DIP2C: variants seen among roughly 807,000 people sequenced by gnomAD.
DIP2C encodes the protein DIP2 acetate--CoA ligase C (putative), also known as disco-interacting protein 2 homolog C.
Under a neutral mutation model 192.4 loss-of-function variants are expected in DIP2C, and 33 were observed. The observed-to-expected ratio is 0.17, with a 90% confidence interval of 0.13 to 0.23. DIP2C has a LOEUF of 0.23. Among genes scored for constraint, DIP2C ranks in the 10% least tolerant of loss-of-function variants. DIP2C has a pLI of 1.00. For synonymous variants in DIP2C, 979 were observed against 864.1 expected (o/e 1.13, Z -2.33); for missense variants, 1,537 against 2,110.1 (o/e 0.73, Z 5.32).
intron 29 of DIP2C, among the ~76,000 whole-genome samples, chr10:331,330 T>C (rs1957500328): frequency 6.6e-6 from 1 of 152,242 alleles, no homozygotes; most frequent in South Asian, 2.1e-4. Flanking sequence ...GAAAAACTAC[T>C]CTTCGGCAAA....
At chr10:383,940 A>T (rs1486391703) in intron 16 of DIP2C, 87 bp downstream of exon 16, 29 of 1,397,266 alleles carry the variant, frequency 2.1e-5, no homozygotes, top group Non-Finnish European at 2.4e-5. Flanking sequence ...AATAAAAAAG[A>T]CTTCACAGCC....
intron 1 of DIP2C, among the ~76,000 whole-genome samples, chr10:549,496 A>G (rs1848479048): frequency 6.6e-6 from 1 of 152,126 alleles, no homozygotes; most frequent in African/African-American, 2.4e-5. Flanking sequence ...CCAACACCCC[A>G]AAACCACGCA....
chr10:360,198 T>C (rs544044922), intron 22 of DIP2C, among the ~76,000 whole-genome samples: 1 of 152,262 alleles, frequency 6.6e-6, no homozygotes, highest in Middle Eastern at 3.4e-3. Context: ...TGCCTCCCCA[T>C]GCAGACTAGG....
intron 1 of DIP2C, among the ~76,000 whole-genome samples, chr10:510,486 G>A (rs1396358096): frequency 6.6e-6 from 1 of 152,224 alleles, no homozygotes; most frequent in Non-Finnish European, 1.5e-5. Context: ...CCCGCCTGGG[G>A]TTCTCGTGAC....
chr10:565,095 C>G (rs1849390712), intron 1 of DIP2C, among the ~76,000 whole-genome samples: 1 of 152,138 alleles, frequency 6.6e-6, no homozygotes, highest in Admixed American at 6.5e-5. Context: ...GGTTCCATCA[C>G]TCCCCTAATT....
intron 22 of DIP2C, 64 bp from the exon 23 acceptor site, chr10:358,001 C>T: frequency 1.6e-6 from 2 of 1,280,802 alleles, no homozygotes; most frequent in East Asian, 2.4e-5. Flanking sequence ...ACTAGACCTC[C>T]CACTTTGGTA....
chr10:321,314 C>G (rs1172093706), intron 31 of DIP2C, among the ~76,000 whole-genome samples: 3 of 152,252 alleles, frequency 2.0e-5, no homozygotes, highest in Admixed American at 2.0e-4. Flanking sequence ...AGTCATAACA[C>G]TCATGAACTG....
At chr10:291,129 G>T (rs574440671) in intron 32 of DIP2C, among the ~76,000 whole-genome samples, 72 of 152,344 alleles carry the variant, frequency 4.7e-4, no homozygotes, top group African/African-American at 1.3e-3. Context: ...AACAAGACAG[G>T]TGAGGCTCTG....
In DIP2C at chr10:387,871, C is replaced by T; in HGVS notation, c.1598-62G>A. 7.3e-6 allele frequency: 11 copies of T among 1,514,986 alleles called. No homozygotes were observed. In the South Asian group the frequency reaches 1.2e-4, roughly 17 times the overall value. The allele number at this position is 1,514,986 out of a possible 1,614,324, so 93.8% of individuals were successfully genotyped here. On this transcript the variant is annotated intron_variant, in intron 13 of 36. Transcript: ENST00000280886. ...GACAGGGCGGCAACAGATCAAAATG[C>T]AAACAAAATCCAATATTGCATCAGG...
At chr10:341,414 G>T (rs986308908) in intron 28 of DIP2C, 85 bp from the exon 29 acceptor site, 1 of 1,571,740 alleles carries the variant, frequency 6.4e-7, no homozygotes, top group African/African-American at 1.4e-5. Context: ...GGAACGCAAG[G>T]CTGTGTTGAA....
intron 1 of DIP2C, among the ~76,000 whole-genome samples, chr10:608,993 T>C (rs1588593519): frequency 6.6e-6 from 1 of 151,918 alleles, no homozygotes; most frequent in Non-Finnish European, 1.5e-5. Context: ...AATCCTAATA[T>C]CTACACAGAA....
At chr10:647,641 AGGGAAACTGAATCCACGTCCACATT>A (rs1855535491) in intron 1 of DIP2C, among the ~76,000 whole-genome samples, 1 of 148,564 alleles carries the variant, frequency 6.7e-6, no homozygotes, top group Admixed American at 6.7e-5. Flanking sequence ...GAGAGAACAG[AGGGAAACTGAATCCACGTCCACATT>A]GGATGGTGGG....
At chr10:450,167 A>C (rs1282248627) in intron 3 of DIP2C, among the ~76,000 whole-genome samples, 1 of 152,202 alleles carries the variant, frequency 6.6e-6, no homozygotes, top group Admixed American at 6.5e-5. Flanking sequence ...GACACAAGAG[A>C]GGTCCCACGT....
At chr10:658,302 C>T in intron 1 of DIP2C, among the ~76,000 whole-genome samples, 1 of 151,358 alleles carries the variant, frequency 6.6e-6, no homozygotes, top group South Asian at 2.1e-4. Context: ...TGTCCCTGGA[C>T]CTGCCGCTGG....
At chr10:540,872 T>C (rs985718819) in intron 1 of DIP2C, among the ~76,000 whole-genome samples, 1 of 152,182 alleles carries the variant, frequency 6.6e-6, no homozygotes, top group Non-Finnish European at 1.5e-5. Flanking sequence ...GGGTTTTGAT[T>C]ATAGTAAAGT....
At chr10:353,111 G>C (rs1958902792) in intron 24 of DIP2C, among the ~76,000 whole-genome samples, 1 of 152,086 alleles carries the variant, frequency 6.6e-6, no homozygotes, top group Non-Finnish European at 1.5e-5. Flanking sequence ...CATTTCATCA[G>C]AGAAATGAGG....
intron 26 of DIP2C, 23 bp from the exon 27 acceptor site, chr10:345,133 G>C: frequency 6.2e-7 from 1 of 1,600,916 alleles, no homozygotes; most frequent in African/African-American, 1.3e-5. Flanking sequence ...AGCGAGAATG[G>C]AGCCATGAAC....
chr10:485,042 C>G, intron 2 of DIP2C: 4 of 1,430,636 alleles, frequency 2.8e-6, no homozygotes, highest in African/African-American at 1.4e-5. Flanking sequence ...CCATGCAGGA[C>G]AGCACACAGA....
At chr10:544,400 TG>T (rs1848171200) in intron 1 of DIP2C, among the ~76,000 whole-genome samples, 1 of 152,264 alleles carries the variant, frequency 6.6e-6, no homozygotes, top group Non-Finnish European at 1.5e-5. Flanking sequence ...TGAAGATTCT[TG>T]CATAAGATTT....
Sources: gnomAD v4.1 joint callset for allele counts (sites outside exome capture counted in the v4.1 genomes callset) on GRCh38, gnomAD v4.1.1 for gene constraint, MANE v1.5 for transcripts, NCBI Gene and HGNC (gene_info 2026-07-23, HGNC 2026-07-21) for gene names.